MDM1: variants seen among roughly 807,000 people sequenced by gnomAD.
The protein encoded by MDM1 is Mdm1 nuclear protein.
A neutral mutation model predicts 89.1 loss-of-function variants in MDM1; 61 were observed. The ratio of observed to expected loss-of-function variants is 0.68; its 90% CI spans 0.56 to 0.85. The LOEUF (loss-of-function observed/expected upper bound fraction) is 0.85, where lower values mean the gene tolerates loss of function less well. Ranked by LOEUF, MDM1 falls within the 40% of genes least tolerant of loss-of-function variation. The pLI is 0.00. For synonymous variants in MDM1, 290 were observed against 294.1 expected, an observed-to-expected ratio of 0.99 and a Z score of 0.14; for missense variants, 820 against 846.5, an observed-to-expected ratio of 0.97 and a Z score of 0.39.
At chr12:68,300,211 C>T (rs1392845739) in intron 13 of MDM1, among the ~76,000 whole-genome samples, 1 of 152,110 alleles carries the variant, frequency 6.6e-6, no homozygotes, top group Non-Finnish European at 1.5e-5. Context: ...GAAACAAAAG[C>T]TTGATATGCA....
intron 7 of MDM1, 108 bp downstream of exon 7, chr12:68,321,239 T>C: frequency 1.4e-6 from 1 of 696,270 alleles, no homozygotes; most frequent in Non-Finnish European, 2.4e-6. Flanking sequence ...TATTATATCA[T>C]ACTTCTTTAA....
intron 10 of MDM1, among the ~76,000 whole-genome samples, chr12:68,314,315 A>C (rs1021052470): frequency 3.3e-5 from 5 of 152,222 alleles, no homozygotes; most frequent in African/African-American, 1.2e-4. Context: ...CTATATCAAT[A>C]GAAGAAAAAC....
chr12:68,300,577 C>T (rs978055413), intron 13 of MDM1, among the ~76,000 whole-genome samples: 2 of 152,080 alleles, frequency 1.3e-5, no homozygotes, highest in African/African-American at 2.4e-5. Context: ...CATCATATAA[C>T]GATAAAAAGG....
chr12:68,303,363 C>T (rs1456865411), intron 12 of MDM1, among the ~76,000 whole-genome samples: 1 of 152,064 alleles, frequency 6.6e-6, no homozygotes, highest in East Asian at 1.9e-4. Flanking sequence ...GATACCAGAG[C>T]TGGCAAGGAT....
chr12:68,324,679 A>G (rs1197528770), intron 4 of MDM1, among the ~76,000 whole-genome samples: 1 of 152,156 alleles, frequency 6.6e-6, no homozygotes, highest in African/African-American at 2.4e-5. Flanking sequence ...GTGTATTTAT[A>G]AAGAAAAACA....
chr12:68,302,878 T>TTA lies in MDM1; in HGVS notation c.1750-7_1750-6insTA. On this transcript the variant is annotated splice_region_variant and splice_polypyrimidine_tract_variant and intron_variant, in intron 12 of 14. Transcript: ENST00000682720. The stretch of plus-strand genomic sequence containing the variant: ...GATACAGCACGACTTTCTTTCTAAA[T>TTA]GACAAAAAAAAAAAAAAAAAAAAGA... 1.9e-6 allele frequency: 2 copies of TTA among 1,058,434 alleles called. No homozygotes were observed. The highest frequency in any genetic ancestry group is 2.3e-6 in the Non-Finnish European group (2 of 870,878). 65.6% of individuals were successfully genotyped at this position (1,058,434 alleles called of 1,614,324 possible).
Position 68,315,016 on chromosome 12 carries a change from C to T in MDM1, c.1461G>A (p.Gln487=), listed in dbSNP as rs752031359. 5.6e-6 allele frequency: 9 copies of T among 1,614,014 alleles called. No individual in the cohort carries two copies. The South Asian group carries it at 8.8e-5, about 16-fold the overall frequency. The part of the protein sequence containing the change: ...EEEGDRKTGK[Q]AFMGEQEKLD... ...ACTTCTCTTGCTCTCCCATAAAAGC[C>T]TGCTTGCCCGTTTTCCTGTCCCCTT... The change falls in exon 10 of 15, where the codon CAG becomes CAA. Residue 487 remains glutamine, a synonymous_variant. Coordinates refer to ENST00000682720, the MANE Select transcript of MDM1 (RefSeq NM_001354969.2).
chr12:68,313,863 C>T, intron 10 of MDM1, 110 bp from the exon 11 acceptor site: 2 of 929,990 alleles, frequency 2.2e-6, no homozygotes, highest in Non-Finnish European at 3.3e-6. Context: ...TGTAAGAGGC[C>T]AGGCGCGGTG....
intron 4 of MDM1, 85 bp from the exon 5 acceptor site, chr12:68,323,325 T>C: frequency 1.0e-6 from 1 of 965,512 alleles, no homozygotes; most frequent in Non-Finnish European, 1.5e-6. Context: ...AACATAAAGT[T>C]GAATTACAGG....
intron 2 of MDM1, chr12:68,327,346 G>A (rs755198983): frequency 6.6e-7 from 1 of 1,521,752 alleles, no homozygotes. Flanking sequence ...AGTACATGCT[G>A]CCTCGTTTCT....
At chr12:68,327,455 G>T in intron 2 of MDM1, 1 of 1,535,950 alleles carries the variant, frequency 6.5e-7, no homozygotes, top group South Asian at 1.2e-5. Context: ...AGACCAAGAT[G>T]AGAAGGGATG....
At chr12:68,315,969 C>T in intron 9 of MDM1, 109 bp downstream of exon 9, 2 of 830,636 alleles carry the variant, frequency 2.4e-6, no homozygotes, top group Non-Finnish European at 3.4e-6. Context: ...GCCACAATTC[C>T]ATTCGACTAG....
At position 68,295,351 on chromosome 12, in the gene MDM1, G is replaced by A; in HGVS notation, c.2078C>T (p.Ser693Phe). The A allele has an allele frequency of 1.2e-6, 2 of 1,612,016 alleles. No homozygotes were observed. The highest frequency in any genetic ancestry group is 1.7e-6 in the Non-Finnish European group (2 of 1,178,796). Residue 693 changes from serine (S) to phenylalanine (F), a missense_variant, in exon 15 of 15, where the codon TCT (serine) becomes TTT (phenylalanine). Coordinates refer to ENST00000682720, the MANE Select transcript of MDM1 (RefSeq NM_001354969.2). ...AFNDEDEDRL[S>F]EISARSAASS... ...AGCTGCAGAGCGAGCAGAAATCTCA[G>A]ACAATCTGTCCTCATCTGCAATGAA...
chr12:68,297,904 G>T (rs1006200705), intron 13 of MDM1, among the ~76,000 whole-genome samples: 7 of 152,100 alleles, frequency 4.6e-5, no homozygotes, highest in African/African-American at 1.4e-4. Flanking sequence ...CTAACAGACG[G>T]CATGTGGAGA....
At chr12:68,321,181 T>A in intron 7 of MDM1, 166 bp downstream of exon 7, 1 of 419,550 alleles carries the variant, frequency 2.4e-6, no homozygotes, top group Non-Finnish European at 4.1e-6. Context: ...TTAAAAAAAA[T>A]GATAATTTAC....
intron 1 of MDM1, among the ~76,000 whole-genome samples, 185 bp from the exon 2 acceptor site, chr12:68,331,406 T>C (rs1484862302): frequency 6.6e-6 from 1 of 152,238 alleles, no homozygotes; most frequent in Non-Finnish European, 1.5e-5. Flanking sequence ...ACACGTGTTA[T>C]ATCCTTTAAT....
At chr12:68,316,518 T>C (rs1874526843) in intron 8 of MDM1, 63 bp downstream of exon 8, 3 of 1,365,972 alleles carry the variant, frequency 2.2e-6, no homozygotes, top group Non-Finnish European at 3.0e-6. Flanking sequence ...CTACTTTTTA[T>C]TCCAACTGAA....
chr12:68,328,058 GAAGA>G (rs1215384485), intron 2 of MDM1, among the ~76,000 whole-genome samples: 1 of 152,158 alleles, frequency 6.6e-6, no homozygotes, highest in African/African-American at 2.4e-5. Flanking sequence ...CCACTTTAGA[GAAGA>G]AAGACACACC....
At chr12:68,295,971 A>G (rs1253074595) in intron 14 of MDM1, among the ~76,000 whole-genome samples, 1 of 152,244 alleles carries the variant, frequency 6.6e-6, no homozygotes, top group Admixed American at 6.5e-5. Context: ...TTGCATTTCA[A>G]AACATACAAC....
Sources: allele counts gnomAD v4.1 joint callset (sites outside exome capture counted in the v4.1 genomes callset), GRCh38; gene constraint gnomAD v4.1.1; transcripts MANE v1.5; gene names NCBI Gene and HGNC (gene_info 2026-07-23, HGNC 2026-07-21).